OTOF: variants seen among roughly 807,000 people sequenced by gnomAD.
The protein encoded by OTOF is fer-1-like family member 2.
OTOF carries 218 observed loss-of-function variants against 236.8 expected under a neutral mutation model. The observed-to-expected ratio is 0.92, with a 90% CI of 0.82 to 1.03. The LOEUF is 1.03. Ranked by LOEUF, OTOF falls within the 50% of genes least tolerant of loss-of-function variation. The probability of loss-of-function intolerance (pLI) is 0.00; values close to 1 mark genes in which losing one functional copy is unlikely to be tolerated. For missense variants in OTOF, 2,590 were observed against 2,694.4 expected, an observed-to-expected ratio of 0.96 and a Z score of 0.86; for synonymous variants, 1,041 against 1,072.5, an observed-to-expected ratio of 0.97 and a Z score of 0.57.
Position 26,558,669 on chromosome 2 carries a change from T to G in OTOF, c.-98A>C, listed in dbSNP as rs981683406. 4 of 879,698 alleles carry G rather than the reference T, an allele frequency of 4.5e-6. No individual in the cohort carries two copies. The highest frequency in any genetic ancestry group is 1.4e-5 in the South Asian group (1 of 70,700). The allele number at this position is 879,698 out of a possible 1,614,324, so 54.5% of individuals were successfully genotyped here. ...CGCCTCTCTCTTCTCTGCCGCTGCC[T>G]CCTCCTCCTCCTCCCGACCCCCCTC... is the stretch of plus-strand genomic sequence containing the variant. On this transcript the variant is annotated 5_prime_UTR_variant, in exon 1 of 47. Transcript: ENST00000272371.
In OTOF at chr2:26,495,048, C is replaced by G. The variant is rs370475628; in HGVS notation, c.791G>C (p.Arg264Pro). Residue 264 changes from arginine (R) to proline (P), a missense_variant, in exon 9 of 47, where the codon CGG becomes CCG. Coordinates refer to ENST00000272371, the MANE Select transcript of OTOF (RefSeq NM_194248.3). Reference sequence around the variant, plus strand: ...GTCCATGTTCAAGCCCACCAGCTGCCGGGCCTCGATCACCGTGATGCTGAC... The same window carrying G: ...GTCCATGTTCAAGCCCACCAGCTGCGGGGCCTCGATCACCGTGATGCTGAC... ...YQVSITVIEA[R>P]QLVGLNMDPV... 7 of 1,613,998 alleles carry G rather than the reference C, an allele frequency of 4.3e-6. No homozygotes were observed. Among genetic ancestry groups the G allele is most frequent in the Non-Finnish European group, 5.1e-6 (6 of 1,180,000 alleles).
In OTOF at chr2:26,467,829, A is replaced by G. The variant is rs1020112653; in HGVS notation, c.4091-328T>C. Among the ~76,000 whole-genome samples, 9 of 152,176 alleles carry G rather than the reference A, an allele frequency of 5.9e-5. No individual in the cohort carries two copies. The South Asian group carries it at 1.9e-3, about 31-fold the overall frequency. On this transcript the variant is annotated intron_variant, in intron 33 of 46. Transcript: ENST00000272371. ...CTCACTAGCTTCCCTCTTCTTGTCC[A>G]TAATAATAACACTCTGTATTAGCAT...
At chr2:26,501,693 G>A (rs941959672) in intron 8 of OTOF, 61 bp downstream of exon 8, 65 of 1,156,618 alleles carry the variant, frequency 5.6e-5, no homozygotes, top group Middle Eastern at 3.8e-4. Flanking sequence ...ATGCACATCC[G>A]GCTAGAATCC....
At position 26,558,614 on chromosome 2, in the gene OTOF, A is replaced by T. The variant is rs201812205; in HGVS notation, c.-43T>A. 245 of 1,543,066 alleles carry T rather than the reference A, an allele frequency of 1.6e-4. 1 individual carries two copies. In the African/African-American group the frequency reaches 1.9e-3, roughly 12 times the overall value. On this transcript the variant is annotated 5_prime_UTR_variant, in exon 1 of 47. Coordinates refer to ENST00000272371, the MANE Select transcript of OTOF (RefSeq NM_194248.3). ...GGCACTGCCAGGCAGGAGCAGCGGG[A>T]AGGAGCTAGCCGGTGGAGCACGGCT...
intron 3 of OTOF, 42 bp downstream of exon 3, chr2:26,527,790 G>T: frequency 7.0e-7 from 1 of 1,433,844 alleles, no homozygotes; most frequent in Non-Finnish European, 9.8e-7. Context: ...CAGGCTCCCA[G>T]CCCGTCCAGG....
rs1344944805 is a variant in OTOF at position 26,477,006 on chromosome 2, A to G, written c.2561T>C (p.Met854Thr). ...ATAGGCGACACGCTTGTTGTTGCTCATCATCCAGATGAAGATGTCGGGAAT... is the reference window on the plus strand; with the variant it reads ...ATAGGCGACACGCTTGTTGTTGCTCGTCATCCAGATGAAGATGTCGGGAAT... ...HSIPDIFIWMMSNNKRVAYAR... is the reference protein window; with the variant it reads ...HSIPDIFIWMTSNNKRVAYAR... The change falls in exon 22 of 47, where the codon ATG becomes ACG. Residue 854 changes from methionine (M) to threonine (T), a missense_variant. By Grantham distance (81) the Met-to-Thr change is moderately conservative. Around this residue, in one of 2 missense-constraint regions of OTOF, gnomAD observed 1,379 missense variants for 1,341.6 expected, o/e 1.03. Coordinates refer to ENST00000272371, the MANE Select transcript of OTOF (RefSeq NM_194248.3). The surrounding 1 kb of genome is among the most constrained non-coding windows in gnomAD (Gnocchi z 4.7). 6.2e-7 allele frequency: 1 copy of G among 1,610,200 alleles called. No individual in the cohort carries two copies. Among genetic ancestry groups the G allele is most frequent in the Non-Finnish European group, 8.5e-7 (1 of 1,178,730 alleles).
intron 1 of OTOF, among the ~76,000 whole-genome samples, chr2:26,555,428 T>A (rs1303476814): frequency 1.3e-5 from 2 of 152,184 alleles, no homozygotes; most frequent in Admixed American, 1.3e-4. Context: ...TGCACAAATA[T>A]TAGCATGTTC....
At position 26,460,121 on chromosome 2, in the gene OTOF, G is replaced by A; in HGVS notation, c.5898C>T (p.Leu1966=). The change falls in exon 46 of 47, where the codon CTC becomes CTT. Residue 1966 remains leucine, a synonymous_variant. Transcript: ENST00000272371. The surrounding 1 kb of genome is among the most constrained non-coding windows in gnomAD (Gnocchi z 5.3). ...YFLWHTYRWL[L]LKLLLLLLLL... Reference sequence around the variant, plus strand: ...GCAGCAGGAGCAGCAACAGTTTGAGGAGCAGCCAGCGATACGTGTGCCACA... The same window carrying A: ...GCAGCAGGAGCAGCAACAGTTTGAGAAGCAGCCAGCGATACGTGTGCCACA... 1 of 1,594,434 alleles carries A rather than the reference G, an allele frequency of 6.3e-7. No individual in the cohort carries two copies. The highest frequency in any genetic ancestry group is 8.5e-7 in the Non-Finnish European group (1 of 1,170,662).
intron 1 of OTOF, among the ~76,000 whole-genome samples, chr2:26,542,427 A>T (rs1485832125): frequency 2.6e-5 from 4 of 152,326 alleles, no homozygotes; most frequent in Non-Finnish European, 5.9e-5. Context: ...GACATGGAAA[A>T]TTCTGCCGAT....
intron 5 of OTOF, among the ~76,000 whole-genome samples, chr2:26,511,010 C>A (rs1283822694): frequency 1.3e-5 from 2 of 152,266 alleles, no homozygotes; most frequent in Non-Finnish European, 2.9e-5. Context: ...CAACCCCAAG[C>A]TCTGATACCT....
intron 46 of OTOF, among the ~76,000 whole-genome samples, chr2:26,459,421 G>T (rs1350096676): frequency 1.3e-5 from 2 of 152,038 alleles, no homozygotes; most frequent in Non-Finnish European, 2.9e-5. Flanking sequence ...GCGTGGTGGC[G>T]GGTGCCTGTA....
In OTOF at chr2:26,470,703, TCTC is replaced by T. The variant is rs1158007930; in HGVS notation, c.3910_3912del (p.Glu1304del). The T allele has an allele frequency of 2.5e-6, 4 of 1,612,480 alleles. No individual in the cohort carries two copies. The highest frequency in any genetic ancestry group is 2.2e-5 in the South Asian group (2 of 91,060). On this transcript the variant is annotated inframe_deletion, in exon 32 of 47. Transcript: ENST00000272371. This position sits in a 1 kb window ranked among gnomAD's most constrained non-coding sequence, Gnocchi z 4.3. The stretch of plus-strand genomic sequence containing the variant: ...GCAGTGCCCTTCTTCTTCTTCTTCT[TCTC>T]CTTCTCCTCCTCAGCCTGCAGGTTG...
intron 1 of OTOF, among the ~76,000 whole-genome samples, chr2:26,542,726 G>A (rs1325113638): frequency 6.6e-6 from 1 of 152,174 alleles, no homozygotes; most frequent in African/African-American, 2.4e-5. Context: ...GATGGTGAAG[G>A]GAAAAGCAAG....
At chr2:26,467,680 T>G (rs1239564723) in intron 33 of OTOF, among the ~76,000 whole-genome samples, 179 bp from the exon 34 acceptor site, 1 of 152,152 alleles carries the variant, frequency 6.6e-6, no homozygotes, top group Non-Finnish European at 1.5e-5. Context: ...GGGGCCCCAG[T>G]GGGTTTATGC....
At chr2:26,543,133 C>T in intron 1 of OTOF, among the ~76,000 whole-genome samples, 1 of 152,186 alleles carries the variant, frequency 6.6e-6, no homozygotes, top group East Asian at 1.9e-4. Flanking sequence ...TCCTCTACAG[C>T]GACTCTCTGA....
At position 26,457,956 on chromosome 2, in the gene OTOF, T is replaced by G; in HGVS notation, c.*282A>C. The G allele has an allele frequency of 3.6e-6, 5 of 1,386,642 alleles. No individual in the cohort carries two copies. The highest frequency in any genetic ancestry group is 4.0e-6 in the Non-Finnish European group (4 of 1,004,748). 85.9% of individuals were successfully genotyped at this position (1,386,642 alleles called of 1,614,324 possible). A position where few individuals can be genotyped will look rare whatever the true frequency, so the allele number is the denominator to read the frequency against. On this transcript the variant is annotated 3_prime_UTR_variant, in exon 47 of 47. Coordinates refer to ENST00000272371, the MANE Select transcript of OTOF (RefSeq NM_194248.3). The surrounding 1 kb of genome is among the most constrained non-coding windows in gnomAD (Gnocchi z 4.4). ...AGAGTGGACGCTGGGCTCCTCAGGC[T>G]CCCCAGGGGAGATGGGAAAGAGTCC...
intron 1 of OTOF, among the ~76,000 whole-genome samples, chr2:26,551,554 C>A (rs1255341312): frequency 6.6e-6 from 1 of 152,202 alleles, no homozygotes; most frequent in Non-Finnish European, 1.5e-5. Flanking sequence ...GGCACCTGTG[C>A]CTCCCTTCCA....
rs1339378374 is a variant in OTOF, at chr2:26,470,550, G to A, written c.4023+43C>T. ...AAAGAAGCTGGACAGGAGGGTCTGA[G>A]TGTGGAGGGGGTCACCTCCCCTCAC... On this transcript the variant is annotated intron_variant, in intron 32 of 46. Coordinates refer to ENST00000272371, the MANE Select transcript of OTOF (RefSeq NM_194248.3). This position sits in a 1 kb window ranked among gnomAD's most constrained non-coding sequence, Gnocchi z 4.3. The A allele has an allele frequency of 6.3e-7, 1 of 1,597,572 alleles. No homozygotes were observed. Among genetic ancestry groups the A allele is most frequent in the Non-Finnish European group, 8.6e-7 (1 of 1,165,244 alleles).
chr2:26,511,079 C>T (rs570366512), intron 5 of OTOF, among the ~76,000 whole-genome samples: 60 of 152,346 alleles, frequency 3.9e-4, no homozygotes, highest in Middle Eastern at 3.4e-3. Context: ...CAATGTGGGT[C>T]GCAGCTTCCT....
Sources: allele counts gnomAD v4.1 joint callset (sites outside exome capture counted in the v4.1 genomes callset), GRCh38; gene constraint gnomAD v4.1.1; regional missense constraint gnomAD v4.1.1; non-coding constraint Gnocchi (gnomAD v3.1); transcripts MANE v1.5; gene names NCBI Gene and HGNC (gene_info 2026-07-23, HGNC 2026-07-21).